Variants in KCNQ1 observed in about 807,000 individuals in gnomAD.
KCNQ1 encodes potassium voltage-gated channel subfamily Q member 1.
KCNQ1 carries 49 observed loss-of-function variants against 72.4 expected under a neutral mutation model. The ratio of observed to expected loss-of-function variants is 0.68; its 90% CI spans 0.54 to 0.86. The LOEUF is 0.86. Among genes scored for constraint, KCNQ1 ranks in the 40% least tolerant of loss-of-function variants. KCNQ1 has a pLI of 0.00. For synonymous variants in KCNQ1, 450 were observed against 412.6 expected, an observed-to-expected ratio of 1.09 and a Z score of -1.10; for missense variants, 790 against 945.1, an observed-to-expected ratio of 0.84 and a Z score of 2.15.
rs1845726169 is a variant in KCNQ1, at chr11:2,724,653, T to A, written c.1515-44191T>A. On this transcript the variant is annotated intron_variant, in intron 11 of 15. Transcript: ENST00000155840. This position sits in a 1 kb window ranked among gnomAD's most constrained non-coding sequence, Gnocchi z 6.8. The stretch of plus-strand genomic sequence containing the variant: ...TGCACCCAAGCCTTGCCCTTCCCTC[T>A]CACTTCGCTCCCCAGGAGGCGACAC... Among the ~76,000 whole-genome samples the A allele has an allele frequency of 6.6e-6, 1 of 152,178 alleles. No homozygotes were observed. Among genetic ancestry groups the A allele is most frequent in the African/African-American group, 2.4e-5 (1 of 41,444 alleles).
intron 15 of KCNQ1, among the ~76,000 whole-genome samples, chr11:2,842,999 G>T (rs939367894): frequency 2.0e-5 from 3 of 152,172 alleles, no homozygotes; most frequent in Non-Finnish European, 2.9e-5. Context: ...GACCCGCTGC[G>T]GCACACACAC....
intron 10 of KCNQ1, chr11:2,648,986 T>TC (rs1849713332): frequency 4.7e-6 from 1 of 212,452 alleles, no homozygotes; most frequent in African/African-American, 2.4e-5. Context: ...TTTTTCTTTT[T>TC]TTTTTTTTTT....
chr11:2,777,533 G>C (rs1287237218), intron 14 of KCNQ1: 1 of 538,872 alleles, frequency 1.9e-6, no homozygotes, highest in East Asian at 2.9e-5. Flanking sequence ...GGGAATGACA[G>C]GGAAAAGGCA....
intron 11 of KCNQ1, chr11:2,667,409 C>T (rs1392987752): frequency 5.0e-6 from 2 of 398,618 alleles, no homozygotes; most frequent in Non-Finnish European, 4.4e-6. Context: ...GCTCAGCCCT[C>T]TCCACTTGTG....
intron 15 of KCNQ1, among the ~76,000 whole-genome samples, chr11:2,820,912 T>G (rs1177594255): frequency 6.6e-6 from 1 of 151,982 alleles, no homozygotes; most frequent in Non-Finnish European, 1.5e-5. Context: ...TCAAGGGGAG[T>G]GCCTACACCC....
At chr11:2,555,406 C>T (rs967376300) in intron 2 of KCNQ1, among the ~76,000 whole-genome samples, 6 of 152,188 alleles carry the variant, frequency 3.9e-5, no homozygotes, top group African/African-American at 1.2e-4. Context: ...ACTAAATCCT[C>T]GTTTAACTGG....
In KCNQ1 at chr11:2,767,856, T is replaced by C. The variant is rs1369989671; in HGVS notation, c.1515-988T>C. On this transcript the variant is annotated intron_variant, in intron 11 of 15. Transcript: ENST00000155840. The surrounding 1 kb of genome is among the most constrained non-coding windows in gnomAD (Gnocchi z 4.6). ...CAGAGGAAGTTGTGTGAAAGGTGGCTAGAGGACCAGAATCTTTTTCCCTCG... is the reference window on the plus strand; with the variant it reads ...CAGAGGAAGTTGTGTGAAAGGTGGCCAGAGGACCAGAATCTTTTTCCCTCG... Among the ~76,000 whole-genome samples the C allele has an allele frequency of 6.6e-6, 1 of 152,260 alleles. No individual in the cohort carries two copies. The highest frequency in any genetic ancestry group is 1.5e-5 in the Non-Finnish European group (1 of 68,040).
At chr11:2,618,630 T>A (rs1849111165) in intron 10 of KCNQ1, 2 of 398,436 alleles carry the variant, frequency 5.0e-6, no homozygotes, top group Non-Finnish European at 8.8e-6. Context: ...AAGTATGAAG[T>A]CTCCCTTTGT....
At chr11:2,514,915 G>A (rs1847264439) in intron 1 of KCNQ1, among the ~76,000 whole-genome samples, 1 of 152,218 alleles carries the variant, frequency 6.6e-6, no homozygotes, top group African/African-American at 2.4e-5. Context: ...AGTGGGTCGT[G>A]TTGACCTGGC....
intron 13 of KCNQ1, 63 bp from the exon 14 acceptor site, chr11:2,776,920 AGAC>A (rs1428996337): frequency 4.0e-6 from 6 of 1,497,254 alleles, no homozygotes; most frequent in Non-Finnish European, 5.6e-6. Flanking sequence ...TCTGTCCCAC[AGAC>A]GACAGTGCAT....
chr11:2,510,835 G>A (rs913667800), intron 1 of KCNQ1, among the ~76,000 whole-genome samples: 5 of 152,154 alleles, frequency 3.3e-5, no homozygotes, highest in Admixed American at 6.5e-5. Flanking sequence ...CGATCACAGT[G>A]TGAGCGAATC....
chr11:2,628,343 G>A, intron 10 of KCNQ1: 1 of 398,482 alleles, frequency 2.5e-6, no homozygotes, highest in Non-Finnish European at 4.4e-6. Context: ...CAGTTATGAG[G>A]TGATATCTCA....
intron 10 of KCNQ1, chr11:2,628,819 A>T (rs1849304580): frequency 5.0e-6 from 2 of 398,122 alleles, no homozygotes; most frequent in South Asian, 1.3e-4. Context: ...TTCCAATTTA[A>T]TTTTTTTGCA....
At chr11:2,529,625 G>A (rs930359242) in intron 2 of KCNQ1, among the ~76,000 whole-genome samples, 11 of 152,328 alleles carry the variant, frequency 7.2e-5, no homozygotes, top group African/African-American at 2.4e-4. Flanking sequence ...CTTTCCTGGC[G>A]TCTGCGAAAG....
intron 1 of KCNQ1, among the ~76,000 whole-genome samples, chr11:2,456,686 C>T (rs1453059217): frequency 6.7e-6 from 1 of 150,180 alleles, no homozygotes. Context: ...CGTTGGGAGG[C>T]CAAGGTGGGC....
At chr11:2,837,407 G>A (rs1044351754) in intron 15 of KCNQ1, among the ~76,000 whole-genome samples, 2 of 152,170 alleles carry the variant, frequency 1.3e-5, no homozygotes, top group African/African-American at 2.4e-5. Flanking sequence ...CACAGCCTCC[G>A]TTCCCAGACA....
intron 8 of KCNQ1, among the ~76,000 whole-genome samples, chr11:2,586,313 C>T (rs1444495478): frequency 1.3e-5 from 2 of 152,254 alleles, no homozygotes; most frequent in Non-Finnish European, 2.9e-5. Context: ...AGTCCTCCTG[C>T]ACTCCTGGCT....
chr11:2,686,182 A>G (rs1850486693), intron 11 of KCNQ1: 1 of 398,738 alleles, frequency 2.5e-6, no homozygotes, highest in East Asian at 3.6e-5. Context: ...AGCAATGCCT[A>G]CTCATCCTGC....
At chr11:2,630,363 A>C in intron 10 of KCNQ1, 1 of 398,128 alleles carries the variant, frequency 2.5e-6, no homozygotes, top group Non-Finnish European at 4.4e-6. Context: ...AATATCAGCC[A>C]GTTATTTTCT....
Sources: gnomAD v4.1 joint callset for allele counts (sites outside exome capture counted in the v4.1 genomes callset) on GRCh38, gnomAD v4.1.1 for gene constraint, Gnocchi (gnomAD v3.1) non-coding constraint, MANE v1.5 for transcripts, NCBI Gene and HGNC (gene_info 2026-07-23, HGNC 2026-07-21) for gene names.